FANCI: variants seen among roughly 807,000 people sequenced by gnomAD.
FANCI encodes the protein FA complementation group I.
FANCI carries 156 observed loss-of-function variants against 176.1 expected under a neutral mutation model. The observed-to-expected ratio is 0.89, with a 90% CI of 0.78 to 1.01. The LOEUF is 1.01. Among genes scored for constraint, FANCI ranks in the 50% least tolerant of loss-of-function variants. The probability of loss-of-function intolerance (pLI) is 0.00; values close to 1 mark genes in which losing one functional copy is unlikely to be tolerated. For missense variants in FANCI, 1,678 were observed against 1,534.1 expected (o/e 1.09, Z -1.57); for synonymous variants, 613 against 541.7 (o/e 1.13, Z -1.83).
At chr15:89,280,814 AG>A (rs1263502788) in intron 14 of FANCI, among the ~76,000 whole-genome samples, 1 of 152,244 alleles carries the variant, frequency 6.6e-6, no homozygotes, top group African/African-American at 2.4e-5. Flanking sequence ...TGTTCCTAAT[AG>A]GACCATATTA....
intron 8 of FANCI, 114 bp from the exon 9 acceptor site, chr15:89,264,408 G>A: frequency 3.5e-6 from 3 of 853,278 alleles, no homozygotes; most frequent in Admixed American, 2.0e-5. Context: ...CTAAGTCATA[G>A]ATTATTTATT....
chr15:89,258,031 T>A (rs1277975484), intron 2 of FANCI, among the ~76,000 whole-genome samples: 1 of 152,178 alleles, frequency 6.6e-6, no homozygotes, highest in Non-Finnish European at 1.5e-5. Context: ...AAACTCATCT[T>A]CTACTACTCT....
intron 3 of FANCI, among the ~76,000 whole-genome samples, chr15:89,259,964 G>A (rs944562020): frequency 5.9e-5 from 9 of 151,986 alleles, no homozygotes; most frequent in African/African-American, 1.7e-4. Flanking sequence ...ATTTTTGTGC[G>A]GACATGTTTT....
At chr15:89,281,047 G>A in intron 14 of FANCI, 123 bp from the exon 15 acceptor site, 1 of 923,924 alleles carries the variant, frequency 1.1e-6, no homozygotes. Context: ...AATTTGTATT[G>A]CAGTATACTT....
chr15:89,259,964 G>C (rs944562020), intron 3 of FANCI, among the ~76,000 whole-genome samples: 1 of 151,986 alleles, frequency 6.6e-6, no homozygotes, highest in Non-Finnish European at 1.5e-5. Flanking sequence ...ATTTTTGTGC[G>C]GACATGTTTT....
intron 16 of FANCI, chr15:89,282,830 T>C: frequency 2.6e-6 from 1 of 377,630 alleles, no homozygotes; most frequent in Non-Finnish European, 5.1e-6. Flanking sequence ...TTCTTACATT[T>C]GAGTAACCAG....
intron 3 of FANCI, chr15:89,258,997 G>A: frequency 1.9e-6 from 1 of 525,560 alleles, no homozygotes; most frequent in Non-Finnish European, 3.4e-6. Flanking sequence ...GCTGATTTGG[G>A]GGCCTATAAT....
chr15:89,268,097 CT>C (rs1203962781), intron 9 of FANCI, among the ~76,000 whole-genome samples: 2 of 151,858 alleles, frequency 1.3e-5, no homozygotes, highest in African/African-American at 4.8e-5. Context: ...TAGCTCATAC[CT>C]TTTTTTTGTT....
rs549463743 is a variant in FANCI at position 89,246,346 on chromosome 15, T to C, written c.-19-1283T>C. Among the ~76,000 whole-genome samples the C allele has an allele frequency of 1.4e-3, 217 of 152,338 alleles. 1 individual carries two copies. The highest frequency in any genetic ancestry group is 2.7e-3 in the Non-Finnish European group (181 of 68,034). On this transcript the variant is annotated intron_variant, in intron 1 of 37. Coordinates refer to ENST00000310775, the MANE Select transcript of FANCI (RefSeq NM_001113378.2). ...GTTTCTTCTTACCTTCTCCCCACTT[T>C]AATCTGCACAAAGATGCTAGGTTCT...
chr15:89,293,656 C>G (rs554887358), intron 22 of FANCI, among the ~76,000 whole-genome samples, 177 bp from the exon 23 acceptor site: 46 of 152,262 alleles, frequency 3.0e-4, no homozygotes, highest in Admixed American at 1.5e-3. Flanking sequence ...CCAGGGGAAA[C>G]AAAACCCAGA....
Position 89,292,987 on chromosome 15 carries a change from A to G in FANCI, c.2215A>G (p.Asn739Asp). The G allele has an allele frequency of 6.2e-7, 1 of 1,614,118 alleles. No individual in the cohort carries two copies. The highest frequency in any genetic ancestry group is 8.5e-7 in the Non-Finnish European group (1 of 1,179,986). Residue 739 changes from asparagine (N) to aspartate (D), a missense_variant, in exon 22 of 38, where the codon AAT becomes GAT. Coordinates refer to ENST00000310775, the MANE Select transcript of FANCI (RefSeq NM_001113378.2). ...FSQSTSIGIK[N>D]NICAFLVMGV... ...TCAGAGCACCAGTATTGGCATAAAAAATAATATCTGTGCTTTTCTTGTGAT... is the reference window on the plus strand; with the variant it reads ...TCAGAGCACCAGTATTGGCATAAAAGATAATATCTGTGCTTTTCTTGTGAT...
chr15:89,276,580 G>A lies in FANCI; in HGVS notation c.1113-131G>A, dbSNP rs2053420340. The A allele has an allele frequency of 3.1e-6, 3 of 956,822 alleles. No individual in the cohort carries two copies. In the Admixed American group the frequency reaches 6.3e-5, roughly 20 times the overall value. The allele number at this position is 956,822 out of a possible 1,614,324, so 59.3% of individuals were successfully genotyped here. A position where few individuals can be genotyped will look rare whatever the true frequency, so the allele number is the denominator to read the frequency against. ...AATTCTGTCAGACGATGTGTGTAAA[G>A]AAAAGGTTTATATGCAGAGTACGTT... On this transcript the variant is annotated intron_variant, in intron 12 of 37. Transcript: ENST00000310775.
intron 17 of FANCI, among the ~76,000 whole-genome samples, 164 bp downstream of exon 17, chr15:89,283,414 G>A (rs569319150): frequency 1.3e-5 from 2 of 152,078 alleles, no homozygotes; most frequent in Non-Finnish European, 2.9e-5. Flanking sequence ...TGATGATATT[G>A]GCTAACACTC....
intron 28 of FANCI, among the ~76,000 whole-genome samples, chr15:89,304,688 C>CA (rs2054646795): frequency 6.6e-6 from 1 of 152,146 alleles, no homozygotes; most frequent in African/African-American, 2.4e-5. Context: ...GTGCCTGAGA[C>CA]ACGACAAGCT....
intron 28 of FANCI, 84 bp downstream of exon 28, chr15:89,303,999 C>G (rs2054619637): frequency 7.7e-7 from 1 of 1,293,262 alleles, no homozygotes; most frequent in Non-Finnish European, 1.1e-6. Context: ...AGGTATTCCC[C>G]ATTCATTACA....
At chr15:89,300,276 C>CA in intron 25 of FANCI, 24 bp from the exon 26 acceptor site, 1 of 1,602,816 alleles carries the variant, frequency 6.2e-7, no homozygotes, top group African/African-American at 1.3e-5. Flanking sequence ...TCAAAGAAGA[C>CA]AAGAGTTTCT....
At chr15:89,306,266 C>T (rs922355822) in intron 32 of FANCI, 72 bp downstream of exon 32, 16 of 1,441,388 alleles carry the variant, frequency 1.1e-5, no homozygotes, top group Middle Eastern at 4.0e-4. Flanking sequence ...GATGGGGCAG[C>T]AGCCCACTGC....
rs575314391 is a variant in FANCI at position 89,287,265 on chromosome 15, G to A, written c.1821+2047G>A. ...TGGGATTACAGGCGTGAGCCACTGC[G>A]CCCAGCCCCTTGCACTTTTATGTTA... On this transcript the variant is annotated intron_variant, in intron 18 of 37. Coordinates refer to ENST00000310775, the MANE Select transcript of FANCI (RefSeq NM_001113378.2). Among the ~76,000 whole-genome samples the A allele has an allele frequency of 7.8e-4, 119 of 152,178 alleles. No individual in the cohort carries two copies. The Middle Eastern group carries it at 0.051, about 65-fold the overall frequency.
At chr15:89,264,410 T>C (rs987626660) in intron 8 of FANCI, 112 bp from the exon 9 acceptor site, 5 of 852,362 alleles carry the variant, frequency 5.9e-6, no homozygotes, top group Admixed American at 4.0e-5. Flanking sequence ...AAGTCATAGA[T>C]TATTTATTTA....
Sources: gnomAD v4.1 joint callset for allele counts (sites outside exome capture counted in the v4.1 genomes callset) on GRCh38, gnomAD v4.1.1 for gene constraint, MANE v1.5 for transcripts, NCBI Gene and HGNC (gene_info 2026-07-23, HGNC 2026-07-21) for gene names.